AVL9: variants seen among roughly 807,000 people sequenced by gnomAD.
AVL9 encodes the protein AVL9 cell migration associated.
AVL9 carries 49 observed loss-of-function variants against 79.2 expected under a neutral mutation model. The observed-to-expected ratio is 0.62, with a 90% confidence interval of 0.49 to 0.79. AVL9 has a LOEUF of 0.79. AVL9 is among the 30% of genes least tolerant of loss of function. AVL9 has a pLI of 0.00. For missense variants in AVL9, 682 were observed against 776.8 expected (o/e 0.88, Z 1.45); for synonymous variants, 299 against 280.6 (o/e 1.07, Z -0.65).
Position 32,508,177 on chromosome 7 carries a change from A to G in AVL9, c.93+12375A>G, listed in dbSNP as rs138492086. On this transcript the variant is annotated intron_variant, in intron 1 of 15. Transcript: ENST00000318709. ...TTCCCTCTCTGTTGCTTGCCTTTTC[A>G]GTATCTTAATGGTGTCTTTTTTACA... is the stretch of plus-strand genomic sequence containing the variant. Among the ~76,000 whole-genome samples, 844 of 152,232 alleles carry G rather than the reference A, an allele frequency of 5.5e-3. 6 individuals are homozygous for G. Among genetic ancestry groups the G allele is most frequent in the African/African-American group, 0.019 (796 of 41,530 alleles).
At position 32,556,107 on chromosome 7, in the gene AVL9, A is replaced by G. The variant is rs185008524; in HGVS notation, c.609+1511A>G. On this transcript the variant is annotated intron_variant, in intron 8 of 15. Transcript: ENST00000318709. ...CTATGATCCCATTTTATAAATGAAT[A>G]TATATTAATTGAAAAGGGACTGGAA... is the stretch of plus-strand genomic sequence containing the variant. Among the ~76,000 whole-genome samples, 422 of 152,334 alleles carry G rather than the reference A, an allele frequency of 2.8e-3. 2 individuals are homozygous for G. The highest frequency in any genetic ancestry group is 6.8e-3 in the Middle Eastern group (2 of 294).
chr7:32,503,415 G>A lies in AVL9; in HGVS notation c.93+7613G>A, dbSNP rs375714680. 6.9e-4 allele frequency among the ~76,000 whole-genome samples: 66 copies of A among 95,662 alleles called. No individual in the cohort carries two copies. The East Asian group carries it at 0.014, about 21-fold the overall frequency. The allele number at this position is 95,662 out of a possible 152,430, so 62.8% of individuals were successfully genotyped here. On this transcript the variant is annotated intron_variant, in intron 1 of 15. Coordinates refer to ENST00000318709, the MANE Select transcript of AVL9 (RefSeq NM_015060.3). ...ACACACACACACACACAAATTAGCC[G>A]GGCTTGGTGGCACGTGCCTGTAGTC...
rs2128157120 is a variant in AVL9 at position 32,580,810 on chromosome 7, A to G, written c.1751A>G (p.Gln584Arg). Residue 584 changes from glutamine (Q) to arginine (R), a missense_variant, in exon 15 of 16, where the codon CAG (glutamine) becomes CGG (arginine). Physicochemically the swap from Gln to Arg is conservative, Grantham distance 43. Transcript: ENST00000318709. ...DMKLRFSHSV[Q>R]NSERGKKIGN... ...TCTTATCTTTTACCCAGTTCTGTTC[A>G]GAATAGTGAACGTGGCAAAAAAATT... 1 of 1,613,282 alleles carries G rather than the reference A, an allele frequency of 6.2e-7. No individual in the cohort carries two copies. Among genetic ancestry groups the G allele is most frequent in the African/African-American group, 1.3e-5 (1 of 75,020 alleles).
At chr7:32,505,554 T>C (rs1787375955) in intron 1 of AVL9, among the ~76,000 whole-genome samples, 1 of 152,026 alleles carries the variant, frequency 6.6e-6, no homozygotes, top group Non-Finnish European at 1.5e-5. Context: ...GAAACCCTTC[T>C]ACTTTGTAGC....
At position 32,573,377 on chromosome 7, in the gene AVL9, C is replaced by T. The variant is rs748745500; in HGVS notation, c.1529C>T (p.Ala510Val). ...GACGAATGGATCCGGGCCCAGTTTG[C>T]GGTCTACATTCATGCCCTGCTGGCT... ...GGDEWIRAQF[A>V]VYIHALLAAT... is the part of the protein sequence containing the mutation. Residue 510 changes from alanine (A) to valine (V), a missense_variant, in exon 12 of 16, where the codon GCG (alanine) becomes GTG (valine). By Grantham distance (64) the Ala-to-Val change is moderately conservative. Transcript: ENST00000318709. 21 of 1,613,536 alleles carry T rather than the reference C, an allele frequency of 1.3e-5. No homozygotes were observed. The highest frequency in any genetic ancestry group is 2.7e-5 in the African/African-American group (2 of 74,796).
chr7:32,552,093 CTTGA>C (rs1789856305), intron 5 of AVL9, 132 bp from the exon 6 acceptor site: 4 of 598,526 alleles, frequency 6.7e-6, no homozygotes, highest in Admixed American at 5.9e-5. Context: ...TGCAGAGAGG[CTTGA>C]TTGTTTTTAA....
intron 1 of AVL9, among the ~76,000 whole-genome samples, chr7:32,542,127 G>A (rs1789238048): frequency 6.6e-6 from 1 of 151,466 alleles, no homozygotes; most frequent in Admixed American, 6.6e-5. Flanking sequence ...GATGGGAGCA[G>A]GGACTGGGTA....
chr7:32,513,905 G>C (rs1414365309), intron 1 of AVL9, among the ~76,000 whole-genome samples: 2 of 152,178 alleles, frequency 1.3e-5, no homozygotes, highest in East Asian at 3.8e-4. Context: ...ATAAGGAAAG[G>C]TGTTGTGCCT....
In AVL9 at chr7:32,573,399, G is replaced by A. The variant is rs759695290; in HGVS notation, c.1551G>A (p.Leu517=). Residue 517 remains leucine, a synonymous_variant, in exon 12 of 16, where the codon CTG becomes CTA. Transcript: ENST00000318709. ...TTGCGGTCTACATTCATGCCCTGCT[G>A]GCTGCCACACTGCAATTAGGTAAGA... The part of the protein sequence containing the change: ...AQFAVYIHAL[L]AATLQLDNEK... The A allele has an allele frequency of 7.4e-6, 12 of 1,613,300 alleles. No homozygotes were observed. The South Asian group carries it at 1.3e-4, about 18-fold the overall frequency.
In AVL9 at chr7:32,559,401, AC is replaced by A; in HGVS notation, c.1154del (p.Pro385GlnfsTer67). ...QANTGQVVLI[P>X]GLISGLEEDQ... The stretch of plus-strand genomic sequence containing the variant: ...CTAATACGGGACAGGTAGTCCTGAT[AC>A]CAGGGCTCATTTCGGGTTTGGAAGA... On this transcript the variant is annotated frameshift_variant, in exon 10 of 16. Transcript: ENST00000318709. LOFTEE classifies it high-confidence loss of function. 1 of 1,610,066 alleles carries A rather than the reference AC, an allele frequency of 6.2e-7. No homozygotes were observed. The highest frequency in any genetic ancestry group is 8.5e-7 in the Non-Finnish European group (1 of 1,178,432).
Position 32,496,861 on chromosome 7 carries a change from G to A in AVL9, c.93+1059G>A, listed in dbSNP as rs375332640. ...CACACCTGGAATGCCAGCACTTTTA[G>A]AGACTGATATGAAAGGCTCACTTGA... On this transcript the variant is annotated intron_variant, in intron 1 of 15. Transcript: ENST00000318709. Among the ~76,000 whole-genome samples the A allele has an allele frequency of 3.5e-4, 53 of 152,340 alleles. No individual in the cohort carries two copies. In the South Asian group the frequency reaches 8.3e-3, roughly 24 times the overall value.
intron 10 of AVL9, among the ~76,000 whole-genome samples, chr7:32,569,550 A>G (rs1790731726): frequency 6.6e-6 from 1 of 152,258 alleles, no homozygotes; most frequent in Non-Finnish European, 1.5e-5. Flanking sequence ...TTTTTAACAT[A>G]GGACGGTATA....
chr7:32,496,569 A>T (rs914577463), intron 1 of AVL9, among the ~76,000 whole-genome samples: 4 of 152,262 alleles, frequency 2.6e-5, no homozygotes, highest in African/African-American at 9.6e-5. Flanking sequence ...AGAGAACAAA[A>T]TAGAAACAGG....
intron 1 of AVL9, among the ~76,000 whole-genome samples, chr7:32,517,934 C>T (rs1444108678): frequency 2.6e-5 from 4 of 151,908 alleles, no homozygotes; most frequent in East Asian, 1.9e-4. Flanking sequence ...CAGGCTCAAG[C>T]GATTCTCTGC....
intron 1 of AVL9, chr7:32,535,419 G>A (rs947528397): frequency 6.6e-6 from 1 of 152,212 alleles, no homozygotes; most frequent in Non-Finnish European, 1.5e-5. Flanking sequence ...GTTTTAGCTG[G>A]CATGATAAGG....
At chr7:32,545,885 A>G (rs1013399478) in intron 3 of AVL9, among the ~76,000 whole-genome samples, 2 of 152,116 alleles carry the variant, frequency 1.3e-5, no homozygotes, top group African/African-American at 2.4e-5. Flanking sequence ...GCACATTGCA[A>G]TCACCTGGAG....
chr7:32,518,548 T>C (rs1788005776), intron 1 of AVL9, among the ~76,000 whole-genome samples: 1 of 152,108 alleles, frequency 6.6e-6, no homozygotes, highest in Admixed American at 6.5e-5. Context: ...AGGTTATGTA[T>C]AAATAAAGAG....
At chr7:32,550,504 AC>A (rs1302725036) in intron 4 of AVL9, among the ~76,000 whole-genome samples, 1 of 152,206 alleles carries the variant, frequency 6.6e-6, no homozygotes, top group Non-Finnish European at 1.5e-5. Flanking sequence ...ATGATTTTAT[AC>A]TTTGATGGGA....
At chr7:32,538,098 G>T (rs530606416) in intron 1 of AVL9, 1 of 152,312 alleles carries the variant, frequency 6.6e-6, no homozygotes, top group East Asian at 1.9e-4. Flanking sequence ...TTCAGTTTCA[G>T]CTAGAACCAT....
Sources: allele counts gnomAD v4.1 joint callset (sites outside exome capture counted in the v4.1 genomes callset), GRCh38; gene constraint gnomAD v4.1.1; transcripts MANE v1.5; gene names NCBI Gene and HGNC (gene_info 2026-07-23, HGNC 2026-07-21).